DSE: variants seen among roughly 807,000 people sequenced by gnomAD.
DSE encodes the protein dermatan-sulfate epimerase.
Under a neutral mutation model 84.4 loss-of-function variants are expected in DSE, and 36 were observed. The ratio of observed to expected loss-of-function variants is 0.43; its 90% confidence interval spans 0.33 to 0.56. The LOEUF is 0.56. DSE is among the 20% of genes least tolerant of loss of function. The pLI is 0.06. For synonymous variants in DSE, 410 were observed against 430.1 expected (o/e 0.95, Z 0.58); for missense variants, 862 against 1,169.6 (o/e 0.74, Z 3.84).
intron 2 of DSE, chr6:116,259,142 G>A: frequency 8.8e-7 from 1 of 1,138,338 alleles, no homozygotes. Context: ...GAGTGTCTCT[G>A]TTGCTCGACG....
At chr6:116,289,336 TTTG>T (rs1339474666) in intron 2 of DSE, among the ~76,000 whole-genome samples, 7 of 151,988 alleles carry the variant, frequency 4.6e-5, no homozygotes, top group African/African-American at 1.7e-4. Context: ...TAGTGATTTG[TTTG>T]TTACTATACC....
intron 1 of DSE, among the ~76,000 whole-genome samples, chr6:116,387,132 G>A (rs2114963453): frequency 6.6e-6 from 1 of 152,278 alleles, no homozygotes; most frequent in South Asian, 2.1e-4. Flanking sequence ...GGAGTTTGCA[G>A]ACAAAGGGCT....
At chr6:116,363,505 C>A (rs1341560247) in intron 2 of DSE, among the ~76,000 whole-genome samples, 1 of 151,950 alleles carries the variant, frequency 6.6e-6, no homozygotes, top group African/African-American at 2.4e-5. Context: ...ACAGGAAATT[C>A]AGAAAATTGA....
chr6:116,409,314 T>C (rs1021763660), intron 2 of DSE, among the ~76,000 whole-genome samples: 6 of 152,250 alleles, frequency 3.9e-5, no homozygotes, highest in African/African-American at 1.2e-4. Flanking sequence ...TCTCGCTCTG[T>C]CGCCCAGGCT....
upstream of DSE, chr6:116,369,797 C>G (rs1166080992): frequency 2.7e-5 from 19 of 700,946 alleles, no homozygotes; most frequent in African/African-American, 3.7e-5. Flanking sequence ...CTGAGACATC[C>G]ACATTTTTTC....
intron 2 of DSE, among the ~76,000 whole-genome samples, chr6:116,314,193 GT>G (rs2114739896): frequency 6.6e-6 from 1 of 152,030 alleles, no homozygotes; most frequent in East Asian, 1.9e-4. Context: ...ATTTTGCTTT[GT>G]TATCATATGG....
intron 1 of DSE, among the ~76,000 whole-genome samples, chr6:116,257,998 C>T (rs1163673000): frequency 6.6e-6 from 1 of 152,124 alleles, no homozygotes; most frequent in African/African-American, 2.4e-5. Flanking sequence ...CTCAGCTCAT[C>T]AGATATAACA....
chr6:116,374,361 G>A (rs929846922), intron 1 of DSE, among the ~76,000 whole-genome samples: 3 of 152,154 alleles, frequency 2.0e-5, no homozygotes, highest in African/African-American at 7.2e-5. Context: ...CCTTTGAGGA[G>A]AGCCAGAATC....
intron 1 of DSE, among the ~76,000 whole-genome samples, chr6:116,390,302 C>A (rs187122942): frequency 6.6e-6 from 1 of 152,106 alleles, no homozygotes; most frequent in Non-Finnish European, 1.5e-5. Context: ...CTCCTGGGCT[C>A]AAGTGCTGCA....
intron 1 of DSE, among the ~76,000 whole-genome samples, chr6:116,372,905 T>G (rs867214008): frequency 6.6e-6 from 1 of 152,134 alleles, no homozygotes; most frequent in Non-Finnish European, 1.5e-5. Flanking sequence ...ACTTCCTAAG[T>G]TTGAGCTTGG....
intron 2 of DSE, among the ~76,000 whole-genome samples, chr6:116,302,280 C>T (rs1196800914): frequency 6.6e-6 from 1 of 152,254 alleles, no homozygotes; most frequent in African/African-American, 2.4e-5. Flanking sequence ...TATTTCTCCA[C>T]ATCCTCTCCA....
intron 2 of DSE, among the ~76,000 whole-genome samples, chr6:116,336,531 G>A (rs976550158): frequency 1.3e-5 from 2 of 152,116 alleles, no homozygotes; most frequent in South Asian, 2.1e-4. Flanking sequence ...CGAGGCAGGC[G>A]GATCAGCCAA....
intron 3 of DSE, among the ~76,000 whole-genome samples, chr6:116,430,602 C>T (rs577361909): frequency 5.3e-5 from 8 of 151,634 alleles, no homozygotes; most frequent in Non-Finnish European, 1.0e-4. Flanking sequence ...AGTGCAGTGG[C>T]GCGATCTCCG....
intron 2 of DSE, among the ~76,000 whole-genome samples, chr6:116,297,541 T>A (rs1281718374): frequency 6.6e-6 from 1 of 152,210 alleles, no homozygotes; most frequent in African/African-American, 2.4e-5. Flanking sequence ...AGTAATTAAT[T>A]AGCAGGGGCT....
chr6:116,330,233 A>C (rs1776858654), intron 2 of DSE, among the ~76,000 whole-genome samples: 1 of 152,226 alleles, frequency 6.6e-6, no homozygotes, highest in African/African-American at 2.4e-5. Flanking sequence ...AAATTGAATA[A>C]ATGAAAACTT....
chr6:116,386,595 CT>C (rs1780590172), intron 1 of DSE, among the ~76,000 whole-genome samples: 2 of 152,186 alleles, frequency 1.3e-5, no homozygotes, highest in Admixed American at 6.5e-5. Flanking sequence ...CCTTGGTGTC[CT>C]GGGCTTTTAT....
rs1354598515 is a variant in DSE at position 116,320,563 on chromosome 6, A to G, written c.-54+61596A>G. 2.6e-5 allele frequency among the ~76,000 whole-genome samples: 4 copies of G among 152,084 alleles called. No homozygotes were observed. In the East Asian group the frequency reaches 7.7e-4, roughly 29 times the overall value. On this transcript the variant is annotated intron_variant, in intron 2 of 3. Coordinates refer to the DSE transcript ENST00000430252. ...TGTATTAGTTTGCTTGCGCTGCCAT[A>G]ACAAAATACCATAGACTCAGTGAAT... is the stretch of plus-strand genomic sequence containing the variant.
At chr6:116,307,237 T>G (rs1445341695) in intron 2 of DSE, among the ~76,000 whole-genome samples, 2 of 152,216 alleles carry the variant, frequency 1.3e-5, no homozygotes, top group African/African-American at 4.8e-5. Flanking sequence ...AATCTGAACC[T>G]GACCACTCCA....
intron 2 of DSE, among the ~76,000 whole-genome samples, chr6:116,322,077 T>C (rs980885932): frequency 1.3e-5 from 2 of 151,072 alleles, no homozygotes; most frequent in African/African-American, 4.8e-5. Context: ...GGCTCACAAC[T>C]CTAAGGGGGT....
Sources: allele counts gnomAD v4.1 joint callset (sites outside exome capture counted in the v4.1 genomes callset), GRCh38; gene constraint gnomAD v4.1.1; transcripts MANE v1.5; gene names NCBI Gene and HGNC (gene_info 2026-07-23, HGNC 2026-07-21).